DST: variants seen among roughly 807,000 people sequenced by gnomAD.
DST encodes the protein dystonin.
DST carries 253 observed loss-of-function variants against 875.2 expected under a neutral mutation model. That is an observed-to-expected ratio of 0.29 (90% confidence interval 0.26 to 0.32). The LOEUF (loss-of-function observed/expected upper bound fraction) is 0.32, where lower values mean the gene tolerates loss of function less well. Among genes scored for constraint, DST ranks in the 10% least tolerant of loss-of-function variants. The pLI, the probability that DST is intolerant of heterozygous loss-of-function variation, is 1.00. For synonymous variants in DST, 3,124 were observed against 3,197.1 expected (o/e 0.98, Z 0.77); for missense variants, 8,287 against 9,111.6 (o/e 0.91, Z 3.68).
At chr6:56,781,054 C>T (rs2099692605) in intron 4 of DST, among the ~76,000 whole-genome samples, 1 of 152,042 alleles carries the variant, frequency 6.6e-6, no homozygotes, top group African/African-American at 2.4e-5. Context: ...GGTGTTATTT[C>T]TGAGGGCTCT....
intron 4 of DST, chr6:56,742,521 T>C (rs2099550902): frequency 2.7e-6 from 1 of 373,214 alleles, no homozygotes; most frequent in African/African-American, 2.1e-5. Flanking sequence ...TCCTCTACTA[T>C]TTTTGTAGGG....
chr6:56,485,133 T>A (rs2095519219), intron 88 of DST, 179 bp downstream of exon 88: 1 of 614,574 alleles, frequency 1.6e-6, no homozygotes, highest in Non-Finnish European at 2.7e-6. Context: ...TACTTCCCCA[T>A]CACTTTTAAA....
chr6:56,638,852 G>A, intron 22 of DST: 1 of 236,354 alleles, frequency 4.2e-6, no homozygotes, highest in Non-Finnish European at 8.3e-6. Context: ...AGCAGTAAGA[G>A]TAAATTATTT....
Position 56,520,560 on chromosome 6 carries a change from A to G in DST, c.18130-2940T>C, listed in dbSNP as rs571190091. On this transcript the variant is annotated intron_variant, in intron 69 of 103. Transcript: ENST00000680361. ...TGGGGAAAACTGAGTAGAGGATACA[A>G]TGGGATCTCTCTGTATTGTTTCTAC... Among the ~76,000 whole-genome samples, 3 of 152,000 alleles carry G rather than the reference A, an allele frequency of 2.0e-5. No individual in the cohort carries two copies. In the East Asian group the frequency reaches 5.8e-4, roughly 29 times the overall value.
In DST at chr6:56,535,109, A is replaced by G; in HGVS notation, c.16941+13T>C. The stretch of plus-strand genomic sequence containing the variant: ...TTAATATGAAACGCAATACAAAAGC[A>G]TGACTAACTTACCTTTTGTTCTTGT... On this transcript the variant is annotated intron_variant, in intron 63 of 103. Transcript: ENST00000680361. 1 of 1,611,000 alleles carries G rather than the reference A, an allele frequency of 6.2e-7. No homozygotes were observed. The highest frequency in any genetic ancestry group is 1.1e-5 in the South Asian group (1 of 90,140).
At chr6:56,569,433 T>G (rs574475406) in intron 54 of DST, among the ~76,000 whole-genome samples, 117 of 152,020 alleles carry the variant, frequency 7.7e-4, no homozygotes, top group African/African-American at 2.7e-3. Context: ...GACAAAAGAC[T>G]TGTGCACTAT....
In DST at chr6:56,606,527, C is replaced by T; in HGVS notation, c.8101G>A (p.Asp2701Asn). The change falls in exon 40 of 104, where the codon GAT becomes AAT. Residue 2701 changes from aspartate to asparagine, a missense_variant. Around this residue, in one of 10 missense-constraint regions of DST, gnomAD observed 3,138 missense variants for 3,116.6 expected, o/e 1.01. Transcript: ENST00000680361. ...TTTAAATGTATTTTTTCACCAGAAT[C>T]TAATTCATCTTTCTCAACATCCATA... ...FLMDVEKDEL[D>N]SGEKIHLNPV... The T allele has an allele frequency of 6.2e-7, 1 of 1,613,462 alleles. No individual in the cohort carries two copies. Among genetic ancestry groups the T allele is most frequent in the Admixed American group, 1.7e-5 (1 of 59,894 alleles).
At chr6:56,487,967 G>A (rs1227031661) in intron 86 of DST, among the ~76,000 whole-genome samples, 1 of 151,994 alleles carries the variant, frequency 6.6e-6, no homozygotes, top group Non-Finnish European at 1.5e-5. Context: ...ATAATCTCAA[G>A]GTTATAATTA....
At chr6:56,528,463 G>A (rs769311565) in intron 67 of DST, among the ~76,000 whole-genome samples, 9 of 152,130 alleles carry the variant, frequency 5.9e-5, no homozygotes, top group East Asian at 1.9e-4. Flanking sequence ...AGCTATGCAC[G>A]TAGCCATACT....
At chr6:56,817,469 T>C (rs1459024940) in intron 4 of DST, among the ~76,000 whole-genome samples, 2 of 152,142 alleles carry the variant, frequency 1.3e-5, no homozygotes, top group Non-Finnish European at 2.9e-5. Context: ...TTTGATGGGA[T>C]ACTGTGGGGA....
At chr6:56,866,868 A>G (rs866358918) in intron 3 of DST, among the ~76,000 whole-genome samples, 35 of 152,258 alleles carry the variant, frequency 2.3e-4, no homozygotes, top group African/African-American at 8.2e-4. Flanking sequence ...AAAAGCACCC[A>G]TACTAACTAG....
intron 4 of DST, among the ~76,000 whole-genome samples, chr6:56,847,592 G>C (rs2099808509): frequency 6.6e-6 from 1 of 152,074 alleles, no homozygotes; most frequent in Non-Finnish European, 1.5e-5. Context: ...CCCTACCTTT[G>C]TTCTTGTAGT....
intron 5 of DST, 155 bp downstream of exon 5, chr6:56,735,073 A>T: frequency 1.6e-6 from 1 of 633,434 alleles, no homozygotes; most frequent in Non-Finnish European, 2.8e-6. Context: ...CACACCAAAT[A>T]ATTATAGATG....
At chr6:56,745,563 G>A (rs2099569753) in intron 4 of DST, among the ~76,000 whole-genome samples, 1 of 152,038 alleles carries the variant, frequency 6.6e-6, no homozygotes, top group Non-Finnish European at 1.5e-5. Flanking sequence ...AGTTGGGTGG[G>A]AAGAATATTT....
intron 50 of DST, among the ~76,000 whole-genome samples, chr6:56,577,186 C>T (rs1415486569): frequency 6.6e-6 from 1 of 151,980 alleles, no homozygotes; most frequent in East Asian, 1.9e-4. Context: ...AATAATGTAA[C>T]AAATGAATTT....
chr6:56,617,306 C>T, intron 36 of DST: 3 of 1,613,840 alleles, frequency 1.9e-6, no homozygotes, highest in Middle Eastern at 1.7e-4. Context: ...CTTGAGTCCA[C>T]CAGATGCTCT....
At chr6:56,641,849 A>G (rs1587578542) in intron 17 of DST, 98 bp downstream of exon 17, 1 of 972,874 alleles carries the variant, frequency 1.0e-6, no homozygotes, top group Non-Finnish European at 1.5e-6. Flanking sequence ...GCAAAGAAAT[A>G]TATTTCATAA....
At chr6:56,784,726 G>A (rs878956770) in intron 4 of DST, among the ~76,000 whole-genome samples, 13 of 152,264 alleles carry the variant, frequency 8.5e-5, no homozygotes, top group Admixed American at 2.0e-4. Flanking sequence ...CTCTCAACTC[G>A]TCAAAGTCAT....
intron 36 of DST, chr6:56,620,054 T>C: frequency 6.2e-7 from 1 of 1,613,958 alleles, no homozygotes. Flanking sequence ...ACATGTATAC[T>C]GAATTTCAGT....
Sources: gnomAD v4.1 joint callset for allele counts (sites outside exome capture counted in the v4.1 genomes callset) on GRCh38, gnomAD v4.1.1 for gene constraint, gnomAD v4.1.1 regional missense constraint, MANE v1.5 for transcripts, NCBI Gene and HGNC (gene_info 2026-07-23, HGNC 2026-07-21) for gene names.